GALNT2: variants seen among roughly 807,000 people sequenced by gnomAD.
GALNT2 encodes the protein UDP-GalNAc:polypeptide N-acetylgalactosaminyltransferase 2.
GALNT2 carries 31 observed loss-of-function variants against 81.4 expected under a neutral mutation model. The ratio of observed to expected loss-of-function variants is 0.38; its 90% CI spans 0.29 to 0.51. The LOEUF (loss-of-function observed/expected upper bound fraction) is 0.51, where lower values mean the gene tolerates loss of function less well. Among genes scored for constraint, GALNT2 ranks in the 20% least tolerant of loss-of-function variants. The pLI is 0.87. For missense variants in GALNT2, 629 were observed against 765.7 expected (o/e 0.82, Z 2.11); for synonymous variants, 303 against 287.4 (o/e 1.05, Z -0.55).
At chr1:230,126,720 A>G (rs1041259177) in intron 1 of GALNT2, among the ~76,000 whole-genome samples, 3 of 152,132 alleles carry the variant, frequency 2.0e-5, no homozygotes, top group Non-Finnish European at 2.9e-5. Flanking sequence ...AGTTGTACAA[A>G]GGGATGGTGG....
chr1:230,117,483 T>C (rs1174422871), intron 1 of GALNT2, among the ~76,000 whole-genome samples: 1 of 152,236 alleles, frequency 6.6e-6, no homozygotes, highest in Non-Finnish European at 1.5e-5. Flanking sequence ...GATGTGCCGC[T>C]CCTCCTTTCA....
At position 230,279,591 on chromosome 1, in the gene GALNT2, A is replaced by G; in HGVS notation, c.*133A>G. On this transcript the variant is annotated 3_prime_UTR_variant, in exon 16 of 16. Coordinates refer to ENST00000366672, the MANE Select transcript of GALNT2 (RefSeq NM_004481.5). The surrounding 1 kb of genome is among the most constrained non-coding windows in gnomAD (Gnocchi z 4.6). Reference sequence around the variant, plus strand: ...AGTATTCCATCATGGTCTGAAAGTCAAACTTCGGCAAGGCACGGACGACTG... The same window carrying G: ...AGTATTCCATCATGGTCTGAAAGTCGAACTTCGGCAAGGCACGGACGACTG... 1 of 1,187,518 alleles carries G rather than the reference A, an allele frequency of 8.4e-7. No homozygotes were observed. The highest frequency in any genetic ancestry group is 1.2e-6 in the Non-Finnish European group (1 of 864,594). The allele number at this position is 1,187,518 out of a possible 1,614,324, so 73.6% of individuals were successfully genotyped here.
Position 230,262,981 on chromosome 1 carries a change from T to C in GALNT2, c.1289T>C (p.Leu430Pro). 6.2e-7 allele frequency: 1 copy of C among 1,614,130 alleles called. No individual in the cohort carries two copies. The highest frequency in any genetic ancestry group is 8.5e-7 in the Non-Finnish European group (1 of 1,179,946). The change falls in exon 13 of 16, where the codon CTT (leucine) becomes CCT (proline). Residue 430 changes from leucine to proline, a missense_variant. This residue lies in a region of GALNT2 where 207 missense variants were observed against 225.5 expected (regional missense o/e 0.92). Coordinates refer to ENST00000366672, the MANE Select transcript of GALNT2 (RefSeq NM_004481.5). ...KLSCKPFKWY[L>P]ENVYPELRVP... Reference sequence around the variant, plus strand: ...AGCTGCAAGCCTTTCAAATGGTACCTTGAAAATGTCTATCCAGAGTTAAGG... The same window carrying C: ...AGCTGCAAGCCTTTCAAATGGTACCCTGAAAATGTCTATCCAGAGTTAAGG...
intron 2 of GALNT2, 83 bp from the exon 3 acceptor site, chr1:230,203,054 G>A: frequency 7.0e-7 from 1 of 1,426,496 alleles, no homozygotes. Context: ...TGTGATTTCT[G>A]GAGTTAACAC....
chr1:230,259,174 A>G (rs1665803982), intron 11 of GALNT2: 1 of 152,204 alleles, frequency 6.6e-6, no homozygotes, highest in South Asian at 2.1e-4. Context: ...ATACAGGTTG[A>G]ATATCTTTTA....
At chr1:230,112,670 C>T (rs976044092) in intron 1 of GALNT2, among the ~76,000 whole-genome samples, 5 of 151,664 alleles carry the variant, frequency 3.3e-5, no homozygotes, top group East Asian at 3.9e-4. Context: ...ATGAGGATGG[C>T]GAAGGGAGGA....
rs894121706 is a variant in GALNT2, at chr1:230,088,214, C to T, written c.126+20808C>T. On this transcript the variant is annotated intron_variant, in intron 1 of 15. Transcript: ENST00000366672. ...CCTGTTGTGAAACTTTGTCATCTTG[C>T]AGATCTGGAACTCTGTATCCATTAA... Among the ~76,000 whole-genome samples, 32 of 152,164 alleles carry T rather than the reference C, an allele frequency of 2.1e-4. 1 individual carries two copies. The highest frequency in any genetic ancestry group is 2.1e-3 in the Admixed American group (32 of 15,284).
chr1:230,126,956 A>G (rs1661202095), intron 1 of GALNT2, among the ~76,000 whole-genome samples: 1 of 152,180 alleles, frequency 6.6e-6, no homozygotes, highest in Non-Finnish European at 1.5e-5. Flanking sequence ...TTCCTGTAAA[A>G]TTGCAACCTA....
intron 1 of GALNT2, among the ~76,000 whole-genome samples, chr1:230,095,622 G>A (rs372773372): frequency 1.3e-5 from 2 of 152,204 alleles, no homozygotes; most frequent in African/African-American, 4.8e-5. Flanking sequence ...GTCCTGTGGT[G>A]GTAGACAGTC....
At chr1:230,134,021 A>G (rs549680675) in intron 1 of GALNT2, among the ~76,000 whole-genome samples, 2 of 151,970 alleles carry the variant, frequency 1.3e-5, no homozygotes, top group Admixed American at 1.3e-4. Context: ...TCTCAACCAG[A>G]GATCAGGTAA....
Position 230,067,271 on chromosome 1 carries a change from A to G in GALNT2, c.-10A>G, listed in dbSNP as rs746866392. 39 of 1,328,942 alleles carry G rather than the reference A, an allele frequency of 2.9e-5. No homozygotes were observed. In the East Asian group the frequency reaches 1.2e-3, roughly 42 times the overall value. The allele number at this position is 1,328,942 out of a possible 1,614,324, so 82.3% of individuals were successfully genotyped here. Reference sequence around the variant, plus strand: ...GCAGCGGCGGCCCCGCCGGCGGCCGAGTTGGGAGAATGCGGCGGCGCTCGC... The same window carrying G: ...GCAGCGGCGGCCCCGCCGGCGGCCGGGTTGGGAGAATGCGGCGGCGCTCGC... On this transcript the variant is annotated 5_prime_UTR_variant, in exon 1 of 16. Transcript: ENST00000366672.
At chr1:230,218,110 G>C (rs989418746) in intron 3 of GALNT2, among the ~76,000 whole-genome samples, 1 of 152,234 alleles carries the variant, frequency 6.6e-6, no homozygotes, top group African/African-American at 2.4e-5. Flanking sequence ...CTGTTGCCGT[G>C]ATCCAGCCAA....
At chr1:230,228,566 AAAAG>A (rs1664782351) in intron 3 of GALNT2, among the ~76,000 whole-genome samples, 1 of 152,170 alleles carries the variant, frequency 6.6e-6, no homozygotes, top group African/African-American at 2.4e-5. Context: ...CACAGAAAAA[AAAAG>A]AGATTATGGA....
At chr1:230,214,881 C>G (rs1302579678) in intron 3 of GALNT2, among the ~76,000 whole-genome samples, 1 of 152,104 alleles carries the variant, frequency 6.6e-6, no homozygotes, top group African/African-American at 2.4e-5. Context: ...TTCATTGATC[C>G]TTTCCTCTGC....
chr1:230,227,398 A>T (rs1358994125), intron 3 of GALNT2, among the ~76,000 whole-genome samples: 1 of 151,504 alleles, frequency 6.6e-6, no homozygotes, highest in African/African-American at 2.4e-5. Context: ...TAGACTCAGA[A>T]AATCCTAAAC....
At chr1:230,247,818 A>C (rs924946786) in intron 8 of GALNT2, among the ~76,000 whole-genome samples, 3 of 152,178 alleles carry the variant, frequency 2.0e-5, no homozygotes, top group Non-Finnish European at 2.9e-5. Flanking sequence ...ACAGATCTTT[A>C]ATCTGCTATA....
chr1:230,088,248 T>C (rs1416718069), intron 1 of GALNT2, among the ~76,000 whole-genome samples: 1 of 152,134 alleles, frequency 6.6e-6, no homozygotes, highest in Non-Finnish European at 1.5e-5. Context: ...AAACAGTAAC[T>C]CCCATTCTCA....
intron 14 of GALNT2, 52 bp from the exon 15 acceptor site, chr1:230,274,393 C>G (rs1375539582): frequency 6.3e-7 from 1 of 1,589,850 alleles, no homozygotes; most frequent in Non-Finnish European, 8.6e-7. Context: ...CCCTTCTTTC[C>G]TTTCACAGCC....
At chr1:230,091,889 C>A in intron 1 of GALNT2, 1 of 152,376 alleles carries the variant, frequency 6.6e-6, no homozygotes, top group South Asian at 2.1e-4. Flanking sequence ...TAAGTCTAAC[C>A]GGTTCCCTCA....
Sources: allele counts gnomAD v4.1 joint callset (sites outside exome capture counted in the v4.1 genomes callset), GRCh38; gene constraint gnomAD v4.1.1; regional missense constraint gnomAD v4.1.1; non-coding constraint Gnocchi (gnomAD v3.1); transcripts MANE v1.5; gene names NCBI Gene and HGNC (gene_info 2026-07-23, HGNC 2026-07-21).